The following FRMPD4 variants were observed in gnomAD, a reference collection of about 807,000 sequenced individuals.
FRMPD4 encodes the protein FERM and PDZ domain containing 4, also known as FERM and PDZ domain-containing protein 4.
Under a neutral mutation model 94.1 loss-of-function variants are expected in FRMPD4, and 22 were observed. The ratio of observed to expected loss-of-function variants is 0.23; its 90% CI spans 0.17 to 0.33. FRMPD4 has a LOEUF of 0.33. FRMPD4 is among the 10% of genes least tolerant of loss of function. FRMPD4 has a pLI of 1.00. For missense variants in FRMPD4, 1,111 were observed against 1,339.9 expected (o/e 0.83, Z 2.67); for synonymous variants, 631 against 548.6 (o/e 1.15, Z -2.10).
At chrX:12,007,650 G>T (rs1321690359) in intron 3 of FRMPD4, among the ~76,000 whole-genome samples, 1 of 111,648 alleles carries the variant, frequency 9.0e-6, no homozygotes, top group Non-Finnish European at 1.9e-5. Flanking sequence ...ACACACTGTT[G>T]CCTTCCTTCC....
chrX:12,340,721 T>C (rs954012511), intron 1 of FRMPD4, among the ~76,000 whole-genome samples: 1 of 112,327 alleles, frequency 8.9e-6, no homozygotes, highest in Non-Finnish European at 1.9e-5. Context: ...TTTTATTTGT[T>C]AGGGTTTTGA....
intron 1 of FRMPD4, among the ~76,000 whole-genome samples, chrX:12,452,055 G>A (rs1302958979): frequency 1.8e-5 from 2 of 110,000 alleles, no homozygotes; most frequent in African/African-American, 3.3e-5. Context: ...TTGCTGACTC[G>A]TTTTTCCTCT....
chrX:12,267,799 C>T (rs1427178159), intron 1 of FRMPD4, among the ~76,000 whole-genome samples: 3 of 112,490 alleles, frequency 2.7e-5, no homozygotes, highest in Non-Finnish European at 3.8e-5. Context: ...AAGCTGAAGG[C>T]TCTCCTTAGG....
intron 3 of FRMPD4, among the ~76,000 whole-genome samples, chrX:11,952,349 T>G (rs1021671925): frequency 8.9e-6 from 1 of 112,164 alleles, no homozygotes; most frequent in Non-Finnish European, 1.9e-5. Flanking sequence ...TCAACATTCC[T>G]TGGGAGAGCA....
Position 12,721,225 on chromosome X carries a change from T to C in FRMPD4, c.4656T>C (p.Ile1552=), listed in dbSNP as rs935586431. 1.3e-6 allele frequency: 1 copy of C among 754,259 alleles called. No homozygotes were observed. The highest frequency in any genetic ancestry group is 2.3e-5 in the African/African-American group (1 of 43,048). 62.2% of individuals were successfully genotyped at this position (754,259 alleles called of 1,213,427 possible). The change falls in exon 17 of 17, where the codon ATT becomes ATC. Residue 1552 remains isoleucine, a synonymous_variant. Transcript: ENST00000675598. ...GCAGCCCATGCCTGGCTGTGGCGAT[T>C]CAGAAGCAACGAGGGGAGCTATCCA... is the stretch of plus-strand genomic sequence containing the variant. ...EPSSPCLAVA[I]QKQRGELSRG...
chrX:12,355,355 AT>A (rs2055880116), intron 1 of FRMPD4, among the ~76,000 whole-genome samples: 1 of 110,226 alleles, frequency 9.1e-6, no homozygotes, highest in South Asian at 4.0e-4. Flanking sequence ...ATGTTTTGTA[AT>A]TTTTTGTAGA....
At chrX:12,717,235 C>A in intron 15 of FRMPD4, 102 bp downstream of exon 15, 1 of 517,256 alleles carries the variant, frequency 1.9e-6, no homozygotes. Context: ...CTCCATTTCA[C>A]ACATGTCCCA....
chrX:12,566,944 C>CTATTCTAA (rs59976435), intron 2 of FRMPD4, among the ~76,000 whole-genome samples: 4,453 of 110,100 alleles, frequency 0.04, 216 homozygotes, highest in African/African-American at 0.14. Flanking sequence ...TAAGGATACT[C>CTATTCTAA]TATTGGATAT....
At chrX:12,216,057 A>G (rs911797293) in intron 1 of FRMPD4, among the ~76,000 whole-genome samples, 13 of 112,431 alleles carry the variant, frequency 1.2e-4, no homozygotes, top group African/African-American at 3.9e-4. Flanking sequence ...CCTAGAATAC[A>G]GTTTCTGTGT....
intron 1 of FRMPD4, among the ~76,000 whole-genome samples, chrX:12,306,080 CAAA>C (rs11291162): frequency 1.9e-5 from 1 of 53,809 alleles, no homozygotes; most frequent in African/African-American, 6.0e-5. Flanking sequence ...TGCTGTGCTT[CAAA>C]AAAAAAAAAA....
At chrX:12,033,955 C>T (rs1225811441) in intron 3 of FRMPD4, among the ~76,000 whole-genome samples, 1 of 112,568 alleles carries the variant, frequency 8.9e-6, no homozygotes, top group African/African-American at 3.2e-5. Flanking sequence ...CCTCGGCCTC[C>T]CAAAGTGCTG....
chrX:12,678,659 C>G (rs958677581), intron 5 of FRMPD4, among the ~76,000 whole-genome samples: 44 of 111,812 alleles, frequency 3.9e-4, no homozygotes, highest in Middle Eastern at 4.6e-3. Context: ...AACCCCGTCT[C>G]TACTAAAAAT....
intron 1 of FRMPD4, among the ~76,000 whole-genome samples, chrX:12,473,192 A>G (rs371282963): frequency 9.1e-6 from 1 of 109,519 alleles, no homozygotes; most frequent in South Asian, 3.8e-4. Flanking sequence ...TTCAACCCAG[A>G]ATTTCATAAC....
chrX:11,969,734 GTA>G (rs780943910), intron 3 of FRMPD4, among the ~76,000 whole-genome samples: 39 of 111,959 alleles, frequency 3.5e-4, no homozygotes, highest in African/African-American at 1.3e-3. Context: ...CCTGTAATCT[GTA>G]TGATTTTATA....
intron 1 of FRMPD4, among the ~76,000 whole-genome samples, chrX:12,195,794 G>A (rs1004511634): frequency 2.7e-5 from 3 of 111,874 alleles, no homozygotes; most frequent in African/African-American, 9.7e-5. Flanking sequence ...CTTTTCTGCA[G>A]AGATGTAGAC....
At chrX:12,664,352 C>T (rs186091256) in intron 4 of FRMPD4, among the ~76,000 whole-genome samples, 6,785 of 111,693 alleles carry the variant, frequency 0.061, 227 homozygotes, top group Middle Eastern at 0.13. Context: ...TCATAAATAG[C>T]TCTTATTATT....
At position 11,935,269 on chromosome X, in the gene FRMPD4, G is replaced by GTTTTT. The variant is rs1234166611; in HGVS notation, c.95+57274_95+57278dup. On this transcript the variant is annotated intron_variant, in intron 3 of 18. Coordinates refer to the FRMPD4 transcript ENST00000640291. ...TTGTTGTTTTTTTTTTTTTTAATGT[G>GTTTTT]TTTTTTTTTTTTTTTTTTTTTTTTT... Among the ~76,000 whole-genome samples the GTTTTT allele has an allele frequency of 6.0e-3, 30 of 5,010 alleles. 7 individuals are homozygous for GTTTTT. Among genetic ancestry groups the GTTTTT allele is most frequent in the Non-Finnish European group, 6.8e-3 (20 of 2,946 alleles). The allele number at this position is 5,010 out of a possible 115,157, so 4.4% of individuals were successfully genotyped here.
At chrX:12,071,970 A>G (rs987120673) in intron 3 of FRMPD4, among the ~76,000 whole-genome samples, 1 of 111,227 alleles carries the variant, frequency 9.0e-6, no homozygotes, top group African/African-American at 3.3e-5. Context: ...CATCATTCTC[A>G]TTGGTATCTA....
chrX:12,645,973 TG>T (rs1399282584), intron 4 of FRMPD4, among the ~76,000 whole-genome samples: 2 of 111,838 alleles, frequency 1.8e-5, no homozygotes, highest in African/African-American at 6.5e-5. Context: ...CCACCAACCC[TG>T]TTCTTCATAG....
Sources: gnomAD v4.1 joint callset for allele counts (sites outside exome capture counted in the v4.1 genomes callset) on GRCh38, gnomAD v4.1.1 for gene constraint, MANE v1.5 for transcripts, NCBI Gene and HGNC (gene_info 2026-07-23, HGNC 2026-07-21) for gene names.